AKR1C8: variants seen among roughly 807,000 people sequenced by gnomAD.
AKR1C8 encodes aldo-keto reductase family 1 member C8, also known as aldo-keto reductase family 1 member C-like protein 1.
chr10:5,140,078 A>C, the AKR1C8 span, among the ~76,000 whole-genome samples: 1 of 152,224 alleles, frequency 6.6e-6, no homozygotes, highest in Non-Finnish European at 1.5e-5. Context: ...AGAGAAATGC[A>C]AATCAAAACC....
At chr10:5,159,601 A>G in the AKR1C8 span, among the ~76,000 whole-genome samples, 1 of 152,020 alleles carries the variant, frequency 6.6e-6, no homozygotes, top group South Asian at 2.1e-4. Context: ...ATGACTCCAA[A>G]CATCTGTATC....
the AKR1C8 span, among the ~76,000 whole-genome samples, chr10:5,149,387 A>T: frequency 1.3e-5 from 2 of 152,150 alleles, no homozygotes; most frequent in Admixed American, 6.6e-5. Context: ...CAACAAGAAT[A>T]ATTATTGTTC....
At chr10:5,159,738 C>A in the AKR1C8 span, 4 of 457,736 alleles carry the variant, frequency 8.7e-6, no homozygotes, top group Non-Finnish European at 1.8e-5. Flanking sequence ...ACTCAAATTG[C>A]TCTTTCTCTG....
the AKR1C8 span, among the ~76,000 whole-genome samples, chr10:5,128,713 A>G: frequency 1.3e-5 from 2 of 152,126 alleles, no homozygotes; most frequent in African/African-American, 4.8e-5. Flanking sequence ...TATAATGATA[A>G]AAGAATCAAT....
the AKR1C8 span, among the ~76,000 whole-genome samples, chr10:5,183,088 TCTCA>T: frequency 2.6e-5 from 4 of 152,084 alleles, no homozygotes; most frequent in South Asian, 2.1e-4. Flanking sequence ...TAAATTCTAG[TCTCA>T]CTAATTATTT....
the AKR1C8 span, among the ~76,000 whole-genome samples, chr10:5,156,313 C>T: frequency 6.6e-6 from 1 of 152,110 alleles, no homozygotes; most frequent in Non-Finnish European, 1.5e-5. Flanking sequence ...ATAAAAAATG[C>T]TTACTAATTG....
chr10:5,179,754 A>G, the AKR1C8 span, among the ~76,000 whole-genome samples: 1 of 152,078 alleles, frequency 6.6e-6, no homozygotes. Context: ...CCTTTCTTCC[A>G]GTTGATTGCA....
At chr10:5,157,314 G>A in the AKR1C8 span, among the ~76,000 whole-genome samples, 1 of 152,132 alleles carries the variant, frequency 6.6e-6, no homozygotes, top group Non-Finnish European at 1.5e-5. Flanking sequence ...GGCATTTATA[G>A]GTAGAGAAGG....
the AKR1C8 span, among the ~76,000 whole-genome samples, chr10:5,139,522 A>G: frequency 6.6e-6 from 1 of 152,316 alleles, no homozygotes; most frequent in East Asian, 1.9e-4. Context: ...CTGATCTTTG[A>G]TAAACCTGAC....
the AKR1C8 span, among the ~76,000 whole-genome samples, chr10:5,151,307 A>G: frequency 1.3e-5 from 2 of 151,324 alleles, no homozygotes; most frequent in African/African-American, 2.5e-5. Flanking sequence ...TCTTGTGGCT[A>G]ATATATTAGT....
chr10:5,115,917 G>T, the AKR1C8 span, among the ~76,000 whole-genome samples: 2 of 152,098 alleles, frequency 1.3e-5, no homozygotes, highest in African/African-American at 4.8e-5. Flanking sequence ...TGGTCACATG[G>T]TCATAGCCAG....
chr10:5,149,238 G>C, the AKR1C8 span, among the ~76,000 whole-genome samples: 2 of 151,960 alleles, frequency 1.3e-5, no homozygotes, highest in Non-Finnish European at 2.9e-5. Context: ...CTAATAACAG[G>C]TGTACTATAG....
the AKR1C8 span, chr10:5,123,840 A>T: frequency 1.9e-6 from 3 of 1,601,216 alleles, no homozygotes; most frequent in African/African-American, 1.3e-5. Context: ...ACAAAGATAG[A>T]AAAACATCAG....
At chr10:5,180,201 C>T in the AKR1C8 span, among the ~76,000 whole-genome samples, 2 of 152,108 alleles carry the variant, frequency 1.3e-5, no homozygotes, top group East Asian at 3.9e-4. Flanking sequence ...CAGACAGGAC[C>T]CTCAGCTGCA....
the AKR1C8 span, among the ~76,000 whole-genome samples, chr10:5,129,775 T>TA: frequency 4.6e-5 from 7 of 151,548 alleles, no homozygotes; most frequent in Non-Finnish European, 7.4e-5. Flanking sequence ...GAATCAGTAA[T>TA]AAAAAATTGC....
the AKR1C8 span, among the ~76,000 whole-genome samples, chr10:5,171,154 A>G: frequency 1.6e-4 from 25 of 152,062 alleles, no homozygotes; most frequent in African/African-American, 5.6e-4. Flanking sequence ...CTCTATTTTG[A>G]TGTTACAATC....
chr10:5,158,537 ATAG>A, the AKR1C8 span: 1 of 403,412 alleles, frequency 2.5e-6, no homozygotes, highest in Admixed American at 3.6e-5. Context: ...CTTCGCTTTA[ATAG>A]GAGTTTTTCA....
the AKR1C8 span, among the ~76,000 whole-genome samples, chr10:5,148,708 G>T: frequency 3.5e-4 from 54 of 152,268 alleles, 1 homozygote; most frequent in East Asian, 9.1e-3. Context: ...ATAGGATATA[G>T]TAAGCATGCA....
At chr10:5,121,433 T>C in the AKR1C8 span, among the ~76,000 whole-genome samples, 1 of 152,176 alleles carries the variant, frequency 6.6e-6, no homozygotes, top group Non-Finnish European at 1.5e-5. Context: ...TCATAATTCA[T>C]TTATCATTCA....
Sources: gnomAD v4.1 joint callset for allele counts (sites outside exome capture counted in the v4.1 genomes callset) on GRCh38, gnomAD v4.1.1 for gene constraint, MANE v1.5 for transcripts, NCBI Gene and HGNC (gene_info 2026-07-23, HGNC 2026-07-21) for gene names.